LRRC36: variants seen among roughly 807,000 people sequenced by gnomAD.
LRRC36 encodes leucine-rich repeat-containing protein 36.
LRRC36 carries 62 observed loss-of-function variants against 81.1 expected under a neutral mutation model. The ratio of observed to expected loss-of-function variants is 0.76; its 90% CI spans 0.62 to 0.94. The LOEUF (loss-of-function observed/expected upper bound fraction) is 0.94, where lower values mean the gene tolerates loss of function less well. Among genes scored for constraint, LRRC36 ranks in the 40% least tolerant of loss-of-function variants. LRRC36 has a pLI of 0.00. For missense variants in LRRC36, 761 were observed against 881.7 expected (o/e 0.86, Z 1.73); for synonymous variants, 334 against 348.6 (o/e 0.96, Z 0.47).
chr16:67,349,284 T>C (rs776008621), intron 4 of LRRC36, among the ~76,000 whole-genome samples: 3 of 152,084 alleles, frequency 2.0e-5, no homozygotes, highest in African/African-American at 4.8e-5. Context: ...TAATATCTTA[T>C]AAGCTCTCTA....
chr16:67,365,489 C>A (rs1019004909), intron 7 of LRRC36, 134 bp downstream of exon 7: 4 of 712,838 alleles, frequency 5.6e-6, no homozygotes, highest in Non-Finnish European at 9.5e-6. Flanking sequence ...TTGTGAGGGA[C>A]TGTCCTGGAT....
At chr16:67,339,594 T>C (rs2037933649) in intron 1 of LRRC36, among the ~76,000 whole-genome samples, 1 of 152,182 alleles carries the variant, frequency 6.6e-6, no homozygotes, top group Admixed American at 6.5e-5. Flanking sequence ...TACACTTAGG[T>C]GGGAAAGGTG....
intron 4 of LRRC36, among the ~76,000 whole-genome samples, chr16:67,348,002 G>A (rs1352372571): frequency 1.3e-5 from 2 of 152,198 alleles, no homozygotes; most frequent in Admixed American, 6.5e-5. Flanking sequence ...AGGAAGGGAA[G>A]AGAAGCATTT....
intron 5 of LRRC36, among the ~76,000 whole-genome samples, chr16:67,357,864 A>G (rs2038969268): frequency 6.6e-6 from 1 of 152,218 alleles, no homozygotes; most frequent in South Asian, 2.1e-4. Flanking sequence ...AGAAGTAGCT[A>G]TTAGTTACTT....
intron 3 of LRRC36, among the ~76,000 whole-genome samples, chr16:67,347,132 A>C (rs1357998121): frequency 6.6e-6 from 1 of 152,146 alleles, no homozygotes; most frequent in Admixed American, 6.6e-5. Context: ...TTTCTTATTG[A>C]TACAAAATTG....
intron 1 of LRRC36, among the ~76,000 whole-genome samples, chr16:67,329,932 A>T (rs2142553735): frequency 6.6e-6 from 1 of 152,166 alleles, no homozygotes; most frequent in South Asian, 2.1e-4. Flanking sequence ...ATAAAATAAA[A>T]TAAGAATCCG....
chr16:67,327,537 A>G (rs1304178217), intron 1 of LRRC36, among the ~76,000 whole-genome samples: 2 of 152,132 alleles, frequency 1.3e-5, no homozygotes, highest in South Asian at 2.1e-4. Flanking sequence ...TAAAATGTCT[A>G]TTAGACATCC....
intron 1 of LRRC36, among the ~76,000 whole-genome samples, chr16:67,329,375 C>G (rs753875867): frequency 2.0e-4 from 31 of 152,108 alleles, no homozygotes; most frequent in Admixed American, 1.3e-3. Context: ...ACTGCAACCT[C>G]TGCCTCCAGG....
chr16:67,347,236 A>G, intron 3 of LRRC36: 1 of 427,164 alleles, frequency 2.3e-6, no homozygotes, highest in Non-Finnish European at 4.1e-6. Flanking sequence ...TAGGCCTTTG[A>G]ATTGTTTACT....
chr16:67,362,432 A>T (rs2039197160), intron 5 of LRRC36: 1 of 240,388 alleles, frequency 4.2e-6, no homozygotes, highest in Non-Finnish European at 8.5e-6. Context: ...AAGTGCTGGG[A>T]CTACAAATGT....
intron 10 of LRRC36, 80 bp downstream of exon 10, chr16:67,375,492 C>G (rs1183636362): frequency 1.6e-6 from 2 of 1,232,284 alleles, no homozygotes; most frequent in African/African-American, 1.6e-5. Context: ...CCACTTAGCT[C>G]TCTTCACTTG....
chr16:67,359,244 T>C (rs2039040841), intron 5 of LRRC36, among the ~76,000 whole-genome samples: 1 of 152,214 alleles, frequency 6.6e-6, no homozygotes, highest in Non-Finnish European at 1.5e-5. Context: ...GCATTATTCA[T>C]AATAGCCATT....
At chr16:67,332,038 T>A (rs1189700382) in intron 1 of LRRC36, among the ~76,000 whole-genome samples, 1 of 152,092 alleles carries the variant, frequency 6.6e-6, no homozygotes, top group Non-Finnish European at 1.5e-5. Flanking sequence ...ACATTCATTG[T>A]CATTATAAAT....
rs537715871 is a variant in LRRC36 at position 67,353,722 on chromosome 16, C to T, written c.577+3432C>T. Among the ~76,000 whole-genome samples the T allele has an allele frequency of 3.7e-4, 56 of 152,258 alleles. 1 individual carries two copies. In the South Asian group the frequency reaches 0.012, roughly 32 times the overall value. On this transcript the variant is annotated intron_variant, in intron 5 of 13. Transcript: ENST00000329956. ...TCTTACCAGGCATGGTTAATTATCT[C>T]AGTTAATCCTCACAACAACCTTGAA...
rs766587513 is a variant in LRRC36, at chr16:67,347,566, A to G, written c.463A>G (p.Asn155Asp). Residue 155 changes from asparagine (N) to aspartate (D), a missense_variant, in exon 4 of 14, where the codon AAT becomes GAT. By Grantham distance (23) the Asn-to-Asp change is conservative. Coordinates refer to ENST00000329956, the MANE Select transcript of LRRC36 (RefSeq NM_018296.6). The stretch of plus-strand genomic sequence containing the variant: ...TTTTAGTCAGTTGGGCAACAGTGAA[A>G]ATTTTCTTTTAGAGGTGGAAAAAAG... ...LHFSQLGNSE[N>D]FLLEVEKSSR... The G allele has an allele frequency of 1.8e-5, 29 of 1,612,448 alleles. No homozygotes were observed. Among genetic ancestry groups the G allele is most frequent in the Non-Finnish European group, 2.2e-5 (26 of 1,178,840 alleles).
At chr16:67,369,008 G>A (rs1441687232) in intron 8 of LRRC36, among the ~76,000 whole-genome samples, 1 of 152,182 alleles carries the variant, frequency 6.6e-6, no homozygotes, top group Non-Finnish European at 1.5e-5. Flanking sequence ...CAAGAGTTGG[G>A]TTTTGGACAT....
At chr16:67,348,153 A>G (rs1335717503) in intron 4 of LRRC36, among the ~76,000 whole-genome samples, 1 of 152,184 alleles carries the variant, frequency 6.6e-6, no homozygotes, top group African/African-American at 2.4e-5. Context: ...TAGTTTTATT[A>G]TTTTTTAAAA....
intron 9 of LRRC36, 106 bp from the exon 10 acceptor site, chr16:67,375,141 A>G: frequency 1.5e-6 from 2 of 1,360,600 alleles, no homozygotes; most frequent in East Asian, 2.3e-5. Context: ...AAAAAATTAA[A>G]AAAAAAAAAG....
In LRRC36 at chr16:67,385,134, C is replaced by T. The variant is rs1597518860; in HGVS notation, c.*45C>T. ...CCACAGCTTCCCTGGTCCACAGAGGCTCTCACCGCCATTGCCACCAGTATG... is the reference window on the plus strand; with the variant it reads ...CCACAGCTTCCCTGGTCCACAGAGGTTCTCACCGCCATTGCCACCAGTATG... On this transcript the variant is annotated 3_prime_UTR_variant, in exon 14 of 14. Coordinates refer to ENST00000329956, the MANE Select transcript of LRRC36 (RefSeq NM_018296.6). 1.4e-6 allele frequency: 2 copies of T among 1,453,240 alleles called. No homozygotes were observed. Among genetic ancestry groups the T allele is most frequent in the Non-Finnish European group, 1.9e-6 (2 of 1,040,150 alleles). The allele number at this position is 1,453,240 out of a possible 1,614,324, so 90.0% of individuals were successfully genotyped here.
Sources: allele counts gnomAD v4.1 joint callset (sites outside exome capture counted in the v4.1 genomes callset), GRCh38; gene constraint gnomAD v4.1.1; transcripts MANE v1.5; gene names NCBI Gene and HGNC (gene_info 2026-07-23, HGNC 2026-07-21).